Variants in GPC6 observed in about 807,000 individuals in gnomAD.
The protein encoded by GPC6 is glypican-6.
In GPC6, 14 loss-of-function variants were observed where a neutral mutation model predicts 55.2. The observed-to-expected ratio is 0.25, with a 90% CI of 0.17 to 0.40. GPC6 has a LOEUF of 0.40. Among genes scored for constraint, GPC6 ranks in the 10% least tolerant of loss-of-function variants. GPC6 has a pLI of 1.00. For synonymous variants in GPC6, 278 were observed against 259.6 expected (o/e 1.07, Z -0.68); for missense variants, 641 against 708.5 (o/e 0.90, Z 1.08).
intron 1 of GPC6, among the ~76,000 whole-genome samples, chr13:93,450,246 C>A (rs1398574389): frequency 2.0e-5 from 3 of 152,202 alleles, no homozygotes; most frequent in Admixed American, 6.5e-5. Flanking sequence ...GAGAAAGTAA[C>A]ATAAAAAGTT....
At chr13:93,450,814 A>G in intron 1 of GPC6, 1 of 486,296 alleles carries the variant, frequency 2.1e-6, no homozygotes, top group Non-Finnish European at 2.7e-6. Context: ...AGGAATTTGT[A>G]TTTTATCCTG....
At chr13:94,251,978 C>A (rs991997223) in intron 4 of GPC6, among the ~76,000 whole-genome samples, 2 of 152,102 alleles carry the variant, frequency 1.3e-5, no homozygotes, top group African/African-American at 2.4e-5. Context: ...CCTGGCCTGG[C>A]TGATGCATGC....
intron 2 of GPC6, among the ~76,000 whole-genome samples, chr13:93,798,802 C>G (rs1886280903): frequency 6.6e-6 from 1 of 150,990 alleles, no homozygotes; most frequent in African/African-American, 2.4e-5. Flanking sequence ...GCCTGTAATC[C>G]CAGGTACTCA....
intron 1 of GPC6, among the ~76,000 whole-genome samples, chr13:93,274,343 C>G (rs185360663): frequency 6.6e-6 from 1 of 151,976 alleles, no homozygotes; most frequent in South Asian, 2.1e-4. Context: ...TAGGTTCATT[C>G]GGAAAGTGAT....
chr13:93,355,219 G>C (rs1182461831), intron 1 of GPC6, among the ~76,000 whole-genome samples: 2 of 152,126 alleles, frequency 1.3e-5, no homozygotes, highest in Non-Finnish European at 2.9e-5. Flanking sequence ...TTGTACTCAA[G>C]ATAAAAGCAT....
At chr13:93,491,494 T>C (rs1184507164) in intron 1 of GPC6, among the ~76,000 whole-genome samples, 7 of 82,510 alleles carry the variant, frequency 8.5e-5, no homozygotes, top group African/African-American at 2.9e-4. Flanking sequence ...GATGGTAGTT[T>C]CTTTTGCTGT....
intron 2 of GPC6, among the ~76,000 whole-genome samples, chr13:93,709,148 G>A (rs952343536): frequency 2.0e-5 from 3 of 151,734 alleles, no homozygotes; most frequent in Non-Finnish European, 2.9e-5. Flanking sequence ...ACTAAAGCAA[G>A]TGCTTCATAA....
chr13:93,271,606 TG>T (rs1426455968), intron 1 of GPC6, among the ~76,000 whole-genome samples: 3 of 152,156 alleles, frequency 2.0e-5, no homozygotes, highest in Non-Finnish European at 4.4e-5. Context: ...AATACAACCA[TG>T]CTTAGAATTC....
intron 1 of GPC6, among the ~76,000 whole-genome samples, chr13:93,239,735 G>GCACAA (rs1876364554): frequency 6.6e-6 from 1 of 151,552 alleles, no homozygotes; most frequent in African/African-American, 2.4e-5. Flanking sequence ...GTCAATTTGT[G>GCACAA]ATCTTTTTGT....
chr13:94,249,012 G>A (rs1891277420), intron 4 of GPC6, among the ~76,000 whole-genome samples: 1 of 152,112 alleles, frequency 6.6e-6, no homozygotes, highest in Non-Finnish European at 1.5e-5. Flanking sequence ...AACATGCTCA[G>A]AGAATCAGGA....
intron 1 of GPC6, among the ~76,000 whole-genome samples, chr13:93,457,145 T>C (rs1878484031): frequency 6.6e-6 from 1 of 152,208 alleles, no homozygotes; most frequent in Admixed American, 6.5e-5. Context: ...ACTTCTTTTC[T>C]TTCTAAATTA....
intron 6 of GPC6, among the ~76,000 whole-genome samples, chr13:94,347,459 C>T (rs868221680): frequency 2.6e-5 from 4 of 152,264 alleles, no homozygotes; most frequent in Non-Finnish European, 4.4e-5. Flanking sequence ...GATTTTTGGT[C>T]AGCATAATTT....
At chr13:94,020,210 A>G (rs759482894) in intron 3 of GPC6, among the ~76,000 whole-genome samples, 3 of 151,840 alleles carry the variant, frequency 2.0e-5, no homozygotes, top group East Asian at 3.9e-4. Flanking sequence ...AGTATTTTCT[A>G]TTTTCCCTAG....
intron 4 of GPC6, among the ~76,000 whole-genome samples, chr13:94,272,016 T>A (rs1170447396): frequency 6.6e-6 from 1 of 151,944 alleles, no homozygotes; most frequent in Non-Finnish European, 1.5e-5. Flanking sequence ...TCATATTGTG[T>A]TTTTTTTATT....
In GPC6 at chr13:93,763,493, C is replaced by A. The variant is rs969643307; in HGVS notation, c.320-66661C>A. On this transcript the variant is annotated intron_variant, in intron 2 of 8. Coordinates refer to ENST00000377047, the MANE Select transcript of GPC6 (RefSeq NM_005708.5). The stretch of plus-strand genomic sequence containing the variant: ...TGGGTAGCCCCCAGCTGTTTCCCTG[C>A]ACCTACTCTCTCGGAGAGGTTTTCC... Among the ~76,000 whole-genome samples, 4 of 152,190 alleles carry A rather than the reference C, an allele frequency of 2.6e-5. No individual in the cohort carries two copies. In the East Asian group the frequency reaches 7.7e-4, roughly 29 times the overall value.
At chr13:94,277,360 T>G (rs1892248306) in intron 4 of GPC6, among the ~76,000 whole-genome samples, 1 of 152,132 alleles carries the variant, frequency 6.6e-6, no homozygotes, top group South Asian at 2.1e-4. Context: ...ATTGCAAAAT[T>G]TTTCTCCCAT....
upstream of GPC6, among the ~76,000 whole-genome samples, chr13:93,224,460 C>T (rs1875706011): frequency 6.6e-6 from 1 of 152,196 alleles, no homozygotes; most frequent in Non-Finnish European, 1.5e-5. Flanking sequence ...TTCCAAAGTG[C>T]TGGGATTATA....
Position 93,321,231 on chromosome 13 carries a change from T to C in GPC6, c.160+93615T>C, listed in dbSNP as rs899806202. Among the ~76,000 whole-genome samples, 50 of 152,168 alleles carry C rather than the reference T, an allele frequency of 3.3e-4. 1 individual carries two copies. Among genetic ancestry groups the C allele is most frequent in the Non-Finnish European group, 3.1e-4 (21 of 68,034 alleles). On this transcript the variant is annotated intron_variant, in intron 1 of 8. Coordinates refer to ENST00000377047, the MANE Select transcript of GPC6 (RefSeq NM_005708.5). ...CTTTAAGGATTGTGTTTTGTTCAAA[T>C]AAAACTTCAGCCTTCCCAGTGCCTA...
intron 1 of GPC6, among the ~76,000 whole-genome samples, chr13:93,253,692 T>C (rs1876860570): frequency 6.6e-6 from 1 of 152,280 alleles, no homozygotes; most frequent in South Asian, 2.1e-4. Flanking sequence ...ATAGTTAATA[T>C]GGAGGCTACA....
Sources: allele counts gnomAD v4.1 joint callset (sites outside exome capture counted in the v4.1 genomes callset), GRCh38; gene constraint gnomAD v4.1.1; transcripts MANE v1.5; gene names NCBI Gene and HGNC (gene_info 2026-07-23, HGNC 2026-07-21).